PPP2R2B: variants seen among roughly 807,000 people sequenced by gnomAD.
PPP2R2B encodes protein phosphatase 2 regulatory subunit Bbeta.
In PPP2R2B, 5 loss-of-function variants were observed where a neutral mutation model predicts 46.0. The ratio of observed to expected loss-of-function variants is 0.11; its 90% CI spans 0.06 to 0.23. The LOEUF is 0.23. PPP2R2B is among the 10% of genes least tolerant of loss of function. The pLI is 1.00. For missense variants in PPP2R2B, 367 were observed against 575.0 expected (o/e 0.64, Z 3.70); for synonymous variants, 215 against 206.7 (o/e 1.04, Z -0.34).
At chr5:146,951,819 C>A (rs971965686) in intron 1 of PPP2R2B, among the ~76,000 whole-genome samples, 9 of 151,898 alleles carry the variant, frequency 5.9e-5, no homozygotes, top group Non-Finnish European at 8.8e-5. Flanking sequence ...AGCAATGAAC[C>A]TATGCATACA....
chr5:146,645,779 CA>C (rs552088198), intron 6 of PPP2R2B, among the ~76,000 whole-genome samples: 189 of 152,324 alleles, frequency 1.2e-3, no homozygotes, highest in African/African-American at 4.4e-3. Flanking sequence ...TCCTCTATCT[CA>C]TATTCAGAGA....
chr5:146,631,313 C>G (rs933843413), intron 7 of PPP2R2B, among the ~76,000 whole-genome samples: 3 of 152,224 alleles, frequency 2.0e-5, no homozygotes, highest in African/African-American at 4.8e-5. Context: ...AATAAGAGAA[C>G]TGCCCACATT....
rs74449263 is a variant in PPP2R2B at position 146,980,506 on chromosome 5, C to G, written c.79+75159G>C. On this transcript the variant is annotated intron_variant, in intron 1 of 8. Coordinates refer to the PPP2R2B transcript ENST00000336640. The stretch of plus-strand genomic sequence containing the variant: ...AGATTAGGAACAGAGCTGGAAGAAA[C>G]AGCAACAAGGAAAAGGAAGGAGAGG... Among the ~76,000 whole-genome samples, 123 of 152,194 alleles carry G rather than the reference C, an allele frequency of 8.1e-4. No homozygotes were observed. The East Asian group carries it at 0.017, about 21-fold the overall frequency.
chr5:147,053,715 G>T (rs1264379426), intron 1 of PPP2R2B, among the ~76,000 whole-genome samples: 2 of 152,134 alleles, frequency 1.3e-5, no homozygotes, highest in African/African-American at 4.8e-5. Flanking sequence ...CAATATCTAA[G>T]AAAACACGTG....
chr5:146,766,924 C>T (rs889951983), intron 2 of PPP2R2B, among the ~76,000 whole-genome samples: 3 of 151,732 alleles, frequency 2.0e-5, no homozygotes, highest in African/African-American at 7.3e-5. Context: ...TGAGGTGGCG[C>T]ATGCCTGTTG....
At chr5:147,007,015 T>G (rs1754469829) in intron 1 of PPP2R2B, among the ~76,000 whole-genome samples, 1 of 152,196 alleles carries the variant, frequency 6.6e-6, no homozygotes, top group Non-Finnish European at 1.5e-5. Flanking sequence ...CTTTGGGCCC[T>G]GTATTTTTAA....
At chr5:146,855,479 AAC>A (rs1455247807) in intron 2 of PPP2R2B, among the ~76,000 whole-genome samples, 1 of 152,156 alleles carries the variant, frequency 6.6e-6, no homozygotes, top group East Asian at 1.9e-4. Flanking sequence ...TACAGACACA[AAC>A]ACAGTATACA....
At chr5:146,859,010 G>T (rs1459124270) in intron 2 of PPP2R2B, among the ~76,000 whole-genome samples, 1 of 152,078 alleles carries the variant, frequency 6.6e-6, no homozygotes, top group Non-Finnish European at 1.5e-5. Context: ...GCAAGCAGAT[G>T]CACTTTTTTC....
At chr5:146,779,650 A>G (rs1370964636) in intron 2 of PPP2R2B, among the ~76,000 whole-genome samples, 1 of 152,170 alleles carries the variant, frequency 6.6e-6, no homozygotes, top group Admixed American at 6.5e-5. Flanking sequence ...GTTCTCTGCA[A>G]TGACCTTATA....
At chr5:146,760,996 T>C (rs1036951475) in intron 2 of PPP2R2B, among the ~76,000 whole-genome samples, 2 of 152,116 alleles carry the variant, frequency 1.3e-5, no homozygotes, top group Admixed American at 6.6e-5. Flanking sequence ...ATAGCGATCA[T>C]TAAAAAGTCA....
chr5:146,847,691 C>T (rs752742883), intron 2 of PPP2R2B, among the ~76,000 whole-genome samples: 10 of 152,230 alleles, frequency 6.6e-5, no homozygotes, highest in Non-Finnish European at 1.3e-4. Context: ...CAGACAGCAG[C>T]AGCAGCATTT....
chr5:146,661,764 C>A (rs1286519341), intron 5 of PPP2R2B, among the ~76,000 whole-genome samples: 1 of 152,118 alleles, frequency 6.6e-6, no homozygotes. Context: ...CCAGTTTTAT[C>A]TTATTTTTTC....
At chr5:146,835,274 GA>G (rs146791594) in intron 2 of PPP2R2B, among the ~76,000 whole-genome samples, 21,250 of 151,824 alleles carry the variant, frequency 0.14, 1,967 homozygotes, top group East Asian at 0.43. Flanking sequence ...TATTTTGAGG[GA>G]AAATATTAAA....
intron 1 of PPP2R2B, among the ~76,000 whole-genome samples, chr5:146,981,332 T>C (rs1464027805): frequency 1.3e-5 from 2 of 152,186 alleles, no homozygotes; most frequent in Non-Finnish European, 2.9e-5. Context: ...TATTTTGTTT[T>C]TACTCTTCAA....
chr5:146,682,604 C>A (rs915348158), intron 5 of PPP2R2B, among the ~76,000 whole-genome samples: 5 of 152,188 alleles, frequency 3.3e-5, no homozygotes, highest in Non-Finnish European at 7.3e-5. Context: ...GTAGTACCCA[C>A]TCCACAGGCT....
intron 2 of PPP2R2B, among the ~76,000 whole-genome samples, chr5:146,855,331 A>G (rs1760592688): frequency 6.6e-6 from 1 of 152,206 alleles, no homozygotes; most frequent in African/African-American, 2.4e-5. Flanking sequence ...ATTTTATATA[A>G]AAACACATTT....
intron 7 of PPP2R2B, among the ~76,000 whole-genome samples, chr5:146,619,172 A>G (rs1773464349): frequency 6.6e-6 from 1 of 152,086 alleles, no homozygotes; most frequent in South Asian, 2.1e-4. Flanking sequence ...TGACACATTC[A>G]TGGGTAGCAA....
At position 146,689,706 on chromosome 5, in the gene PPP2R2B, C is replaced by G. The variant is rs545750640; in HGVS notation, c.447+1422G>C. On this transcript the variant is annotated intron_variant, in intron 5 of 9. Coordinates refer to ENST00000394411, the MANE Select transcript of PPP2R2B (RefSeq NM_181675.4). ...AGGCTGGACTGACTCAACAATAATA[C>G]TCTTCACTACGCTACTTTCCAGCCT... Among the ~76,000 whole-genome samples the G allele has an allele frequency of 5.4e-4, 82 of 152,312 alleles. 1 individual carries two copies. The highest frequency in any genetic ancestry group is 1.9e-3 in the African/African-American group (78 of 41,570).
intron 2 of PPP2R2B, among the ~76,000 whole-genome samples, chr5:146,850,571 C>T (rs1237056889): frequency 1.3e-5 from 2 of 152,146 alleles, no homozygotes; most frequent in South Asian, 2.1e-4. Flanking sequence ...ACATGCAGTT[C>T]TCCCTGCCTG....
Sources: allele counts gnomAD v4.1 joint callset (sites outside exome capture counted in the v4.1 genomes callset), GRCh38; gene constraint gnomAD v4.1.1; transcripts MANE v1.5; gene names NCBI Gene and HGNC (gene_info 2026-07-23, HGNC 2026-07-21).